The following NRP2 variants were observed in gnomAD, a reference collection of about 807,000 sequenced individuals.
The protein encoded by NRP2 is neuropilin 2.
A neutral mutation model predicts 110.4 loss-of-function variants in NRP2; 52 were observed. That is an observed-to-expected ratio of 0.47 (90% CI 0.38 to 0.59). NRP2 has a LOEUF of 0.59. Among genes scored for constraint, NRP2 ranks in the 20% least tolerant of loss-of-function variants. The probability of loss-of-function intolerance (pLI) is 0.00; values close to 1 mark genes in which losing one functional copy is unlikely to be tolerated. For missense variants in NRP2, 1,049 were observed against 1,203.0 expected (o/e 0.87, Z 1.89); for synonymous variants, 508 against 468.9 (o/e 1.08, Z -1.08).
intron 12 of NRP2, among the ~76,000 whole-genome samples, chr2:205,758,808 C>A (rs1437254689): frequency 6.6e-6 from 1 of 152,180 alleles, no homozygotes; most frequent in Non-Finnish European, 1.5e-5. Flanking sequence ...TAGCCATCAG[C>A]TACAAGAACA....
chr2:205,755,684 G>A lies in NRP2; in HGVS notation c.2044+2709G>A, dbSNP rs1041250803. On this transcript the variant is annotated intron_variant, in intron 12 of 16. Coordinates refer to ENST00000357785, the MANE Select transcript of NRP2 (RefSeq NM_003872.3). ...AGCAGCTGGCTTGGTTGGGGGCAGA[G>A]CAACTGCTAATGGGTTCAGAGCGGC... Among the ~76,000 whole-genome samples, 6 of 152,212 alleles carry A rather than the reference G, an allele frequency of 3.9e-5. No individual in the cohort carries two copies. In the South Asian group the frequency reaches 1.0e-3, roughly 26 times the overall value.
chr2:205,794,428 G>A (rs771345099), intron 16 of NRP2, among the ~76,000 whole-genome samples: 3 of 152,094 alleles, frequency 2.0e-5, no homozygotes, highest in African/African-American at 4.8e-5. Flanking sequence ...TTTAAATATC[G>A]GATACTTAGT....
At chr2:205,693,858 A>T (rs2056365686) in intron 1 of NRP2, among the ~76,000 whole-genome samples, 1 of 152,224 alleles carries the variant, frequency 6.6e-6, no homozygotes, top group South Asian at 2.1e-4. Context: ...AGCTGTCGTG[A>T]AGTAAGCTAT....
chr2:205,702,771 G>A (rs371887909), intron 2 of NRP2, among the ~76,000 whole-genome samples: 5 of 152,120 alleles, frequency 3.3e-5, no homozygotes, highest in Non-Finnish European at 5.9e-5. Flanking sequence ...AAACACCCTC[G>A]ATTCCCTGCA....
intron 2 of NRP2, among the ~76,000 whole-genome samples, chr2:205,715,828 T>G (rs1484456238): frequency 6.6e-6 from 1 of 152,150 alleles, no homozygotes; most frequent in Non-Finnish European, 1.5e-5. Flanking sequence ...CAGCTTGCAA[T>G]GTCACAGAGC....
At chr2:205,768,041 T>G (rs2057955919) in intron 15 of NRP2, 2 of 152,248 alleles carry the variant, frequency 1.3e-5, no homozygotes, top group African/African-American at 4.8e-5. Context: ...CTCACCCAAT[T>G]TGCCACTCAT....
chr2:205,736,058 T>C (rs1364802512), intron 7 of NRP2, among the ~76,000 whole-genome samples: 2 of 152,172 alleles, frequency 1.3e-5, no homozygotes, highest in Non-Finnish European at 2.9e-5. Context: ...AAATAAAAAG[T>C]GGGCCAGGCA....
At chr2:205,696,664 C>A (rs2056433672) in intron 1 of NRP2, among the ~76,000 whole-genome samples, 1 of 152,208 alleles carries the variant, frequency 6.6e-6, no homozygotes, top group South Asian at 2.1e-4. Context: ...TCCAGCCAGG[C>A]ACTGCAGGTA....
chr2:205,779,810 A>C (rs2058153533), intron 15 of NRP2: 1 of 152,130 alleles, frequency 6.6e-6, no homozygotes, highest in African/African-American at 2.4e-5. Flanking sequence ...TCACCTTCTG[A>C]GCTACAGGGC....
intron 10 of NRP2, 48 bp from the exon 11 acceptor site, chr2:205,749,677 A>C: frequency 6.7e-7 from 1 of 1,484,058 alleles, no homozygotes; most frequent in African/African-American, 1.4e-5. Context: ...GCTGGGTTGC[A>C]ACACAGGCTG....
At chr2:205,792,311 T>C in intron 16 of NRP2, 26 bp downstream of exon 16, 1 of 1,580,042 alleles carries the variant, frequency 6.3e-7, no homozygotes, top group South Asian at 1.1e-5. Flanking sequence ...ATTTAGCAGG[T>C]AATCGTAAAA....
At chr2:205,764,095 T>G in intron 13 of NRP2, 159 bp downstream of exon 13, 1 of 902,900 alleles carries the variant, frequency 1.1e-6, no homozygotes. Context: ...ATTCAGAATA[T>G]GCCTATCTCT....
chr2:205,736,992 A>C (rs849584), intron 7 of NRP2, among the ~76,000 whole-genome samples: 100,028 of 152,158 alleles, frequency 0.66, 32,995 homozygotes, highest in East Asian at 0.78. Context: ...ACCTTGTAAA[A>C]CCATTGGGTC....
intron 16 of NRP2, among the ~76,000 whole-genome samples, chr2:205,793,018 T>C (rs1049037462): frequency 2.0e-5 from 3 of 152,176 alleles, no homozygotes; most frequent in African/African-American, 7.2e-5. Context: ...AGGAACAGTT[T>C]ATAGAGCAGC....
At position 205,759,357 on chromosome 2, in the gene NRP2, G is replaced by A. The variant is rs1444483051; in HGVS notation, c.2045-4317G>A. ...CAGGAAAACTTTAAACTGAATTTAAGAAGTTTCTGATGGTTAGGGTTGTAA... is the reference window on the plus strand; with the variant it reads ...CAGGAAAACTTTAAACTGAATTTAAAAAGTTTCTGATGGTTAGGGTTGTAA... On this transcript the variant is annotated intron_variant, in intron 12 of 16. Transcript: ENST00000357785. The A allele has an allele frequency of 5.3e-5, 8 of 152,206 alleles. No homozygotes were observed. In the South Asian group the frequency reaches 6.2e-4, roughly 12 times the overall value. 9.4% of individuals were successfully genotyped at this position (152,206 alleles called of 1,614,324 possible).
At chr2:205,777,747 T>TA (rs1559364804) in intron 15 of NRP2, 1 of 152,222 alleles carries the variant, frequency 6.6e-6, no homozygotes, top group Non-Finnish European at 1.5e-5. Context: ...CCTGAATCTA[T>TA]AGCCGCTAAA....
intron 15 of NRP2, among the ~76,000 whole-genome samples, chr2:205,773,453 A>C (rs1487258780): frequency 6.6e-6 from 1 of 152,228 alleles, no homozygotes; most frequent in African/African-American, 2.4e-5. Flanking sequence ...ATGTCCCCCA[A>C]GTAGCTTTTG....
In NRP2 at chr2:205,726,117, G is replaced by A. The variant is rs186284022; in HGVS notation, c.990+35G>A. The A allele has an allele frequency of 5.0e-6, 8 of 1,610,610 alleles. No homozygotes were observed. The East Asian group carries it at 1.6e-4, about 31-fold the overall frequency. On this transcript the variant is annotated intron_variant, in intron 6 of 16. Coordinates refer to ENST00000357785, the MANE Select transcript of NRP2 (RefSeq NM_003872.3). ...CAGATACCAGAGGATGTGAGAGTGT[G>A]TATGTATTGCTGGGGTAGGAGGGTA... is the stretch of plus-strand genomic sequence containing the variant.
At chr2:205,741,104 G>C (rs1055298409) in intron 8 of NRP2, among the ~76,000 whole-genome samples, 1 of 152,184 alleles carries the variant, frequency 6.6e-6, no homozygotes, top group Non-Finnish European at 1.5e-5. Context: ...TCAACCGGGG[G>C]CCAAGAGCTG....
Sources: allele counts gnomAD v4.1 joint callset (sites outside exome capture counted in the v4.1 genomes callset), GRCh38; gene constraint gnomAD v4.1.1; transcripts MANE v1.5; gene names NCBI Gene and HGNC (gene_info 2026-07-23, HGNC 2026-07-21).